The following AUTS2 variants were observed in gnomAD, a reference collection of about 807,000 sequenced individuals.
AUTS2 encodes the protein activator of transcription and developmental regulator AUTS2.
Under a neutral mutation model 112.4 loss-of-function variants are expected in AUTS2, and 17 were observed. The ratio of observed to expected loss-of-function variants is 0.15; its 90% confidence interval spans 0.10 to 0.23. AUTS2 has a LOEUF of 0.23. AUTS2 is among the 10% of genes least tolerant of loss of function. The pLI is 1.00. For synonymous variants in AUTS2, 751 were observed against 702.7 expected (o/e 1.07, Z -1.09); for missense variants, 1,510 against 1,701.6 (o/e 0.89, Z 1.98).
chr7:70,091,391 T>C (rs989655488), intron 2 of AUTS2, among the ~76,000 whole-genome samples: 1 of 152,208 alleles, frequency 6.6e-6, no homozygotes, highest in Non-Finnish European at 1.5e-5. Context: ...TTTATCCTCA[T>C]AGGACTATTC....
At chr7:70,155,627 G>T (rs2129576739) in intron 4 of AUTS2, among the ~76,000 whole-genome samples, 1 of 152,210 alleles carries the variant, frequency 6.6e-6, no homozygotes, top group Admixed American at 6.5e-5. Flanking sequence ...CAAAGGCTGT[G>T]AAGGGACCAC....
intron 15 of AUTS2, 28 bp from the exon 16 acceptor site, chr7:70,784,912 ACT>A: frequency 6.2e-7 from 1 of 1,611,382 alleles, no homozygotes; most frequent in Non-Finnish European, 8.5e-7. Context: ...CTTTTTGTAA[ACT>A]CTGGTTTCGT....
intron 2 of AUTS2, among the ~76,000 whole-genome samples, chr7:69,926,603 TTTG>T (rs1796025354): frequency 6.6e-6 from 1 of 151,904 alleles, no homozygotes; most frequent in Non-Finnish European, 1.5e-5. Flanking sequence ...CATGTTGCCA[TTTG>T]TTTTTTGTTA....
rs116379536 is a variant in AUTS2 at position 69,911,621 on chromosome 7, G to A, written c.522+12123G>A. 7.1e-3 allele frequency among the ~76,000 whole-genome samples: 1,086 copies of A among 152,264 alleles called. 17 individuals are homozygous for A. The highest frequency in any genetic ancestry group is 0.024 in the African/African-American group (1,012 of 41,546). Reference sequence around the variant, plus strand: ...CTCAAGTGGGTAACTCCTTTCCACAGGCAGGTCATCCCTATGAGTGTCCAG... The same window carrying A: ...CTCAAGTGGGTAACTCCTTTCCACAAGCAGGTCATCCCTATGAGTGTCCAG... On this transcript the variant is annotated intron_variant, in intron 2 of 18. Coordinates refer to ENST00000342771, the MANE Select transcript of AUTS2 (RefSeq NM_015570.4).
At chr7:70,453,734 C>T (rs949786534) in intron 5 of AUTS2, among the ~76,000 whole-genome samples, 1 of 152,212 alleles carries the variant, frequency 6.6e-6, no homozygotes, top group Non-Finnish European at 1.5e-5. Context: ...GCCTTTTCCT[C>T]TTTCGTGTGT....
intron 4 of AUTS2, among the ~76,000 whole-genome samples, chr7:70,208,824 C>G (rs1455176765): frequency 6.6e-6 from 1 of 151,794 alleles, no homozygotes; most frequent in Non-Finnish European, 1.5e-5. Context: ...GATACACTAA[C>G]AATCTTGGTG....
At chr7:69,983,662 A>T (rs1798388849) in intron 2 of AUTS2, among the ~76,000 whole-genome samples, 1 of 152,186 alleles carries the variant, frequency 6.6e-6, no homozygotes, top group South Asian at 2.1e-4. Context: ...GAGAAAGATA[A>T]AGGCATTTTT....
chr7:69,900,946 C>G (rs1168897753), intron 2 of AUTS2, among the ~76,000 whole-genome samples: 1 of 152,090 alleles, frequency 6.6e-6, no homozygotes, highest in Non-Finnish European at 1.5e-5. Context: ...TACAACAACC[C>G]TGCCTAGTAG....
intron 4 of AUTS2, among the ~76,000 whole-genome samples, chr7:70,162,425 G>A (rs1443273691): frequency 2.2e-4 from 28 of 126,770 alleles, no homozygotes; most frequent in African/African-American, 7.1e-4. Flanking sequence ...CAGCCTGGGC[G>A]ACAGAGCGAG....
intron 2 of AUTS2, among the ~76,000 whole-genome samples, chr7:69,906,096 T>C (rs1012514658): frequency 6.6e-6 from 1 of 152,206 alleles, no homozygotes; most frequent in Non-Finnish European, 1.5e-5. Context: ...ATTTCTACAA[T>C]GTCAGTGATT....
intron 3 of AUTS2, among the ~76,000 whole-genome samples, chr7:70,126,177 T>C (rs184535357): frequency 6.6e-6 from 1 of 152,154 alleles, no homozygotes; most frequent in African/African-American, 2.4e-5. Flanking sequence ...CCAGCACTTT[T>C]GGAGGCCGAG....
At chr7:70,506,170 G>A (rs1290759334) in intron 5 of AUTS2, among the ~76,000 whole-genome samples, 1 of 152,160 alleles carries the variant, frequency 6.6e-6, no homozygotes, top group Non-Finnish European at 1.5e-5. Context: ...GAGCCAATCA[G>A]GATCATAACA....
At chr7:70,607,442 G>C (rs1014121404) in intron 5 of AUTS2, among the ~76,000 whole-genome samples, 5 of 152,160 alleles carry the variant, frequency 3.3e-5, no homozygotes, top group Non-Finnish European at 7.4e-5. Flanking sequence ...GAGGTCTCAG[G>C]TGTTGGAAAA....
chr7:70,764,666 G>A, intron 7 of AUTS2, 86 bp from the exon 8 acceptor site: 1 of 677,098 alleles, frequency 1.5e-6, no homozygotes, highest in Non-Finnish European at 2.7e-6. Context: ...TGAGGGTTTA[G>A]GGGAAGGAGG....
At chr7:70,757,551 T>G (rs1159502920) in intron 6 of AUTS2, among the ~76,000 whole-genome samples, 1 of 152,162 alleles carries the variant, frequency 6.6e-6, no homozygotes, top group African/African-American at 2.4e-5. Flanking sequence ...AAGGTTTGGA[T>G]TATTGAGTAC....
At chr7:70,684,203 C>G (rs1808343318) in intron 5 of AUTS2, among the ~76,000 whole-genome samples, 1 of 151,998 alleles carries the variant, frequency 6.6e-6, no homozygotes, top group African/African-American at 2.4e-5. Context: ...TTTCAGTACC[C>G]TAAAGATTAT....
chr7:69,747,391 A>G (rs573814912), intron 1 of AUTS2, among the ~76,000 whole-genome samples: 77 of 151,736 alleles, frequency 5.1e-4, no homozygotes, highest in African/African-American at 1.8e-3. Flanking sequence ...TTCCTCACAC[A>G]TGGTGTTAAT....
At chr7:69,980,442 G>A (rs1181557311) in intron 2 of AUTS2, among the ~76,000 whole-genome samples, 2 of 152,140 alleles carry the variant, frequency 1.3e-5, no homozygotes, top group Non-Finnish European at 2.9e-5. Flanking sequence ...TAGTTGTGTG[G>A]AGAAAGGCAT....
At chr7:69,992,699 C>T (rs773525240) in intron 2 of AUTS2, among the ~76,000 whole-genome samples, 12 of 152,052 alleles carry the variant, frequency 7.9e-5, no homozygotes, top group African/African-American at 1.9e-4. Context: ...GCCTGGGCAA[C>T]GTAGCAAGAC....
Sources: gnomAD v4.1 joint callset for allele counts (sites outside exome capture counted in the v4.1 genomes callset) on GRCh38, gnomAD v4.1.1 for gene constraint, MANE v1.5 for transcripts, NCBI Gene and HGNC (gene_info 2026-07-23, HGNC 2026-07-21) for gene names.